AKT3: variants seen among roughly 807,000 people sequenced by gnomAD.
AKT3 encodes AKT serine/threonine kinase 3.
A neutral mutation model predicts 65.3 loss-of-function variants in AKT3; 15 were observed. The observed-to-expected ratio is 0.23, with a 90% CI of 0.15 to 0.35. AKT3 has a LOEUF of 0.35. AKT3 is among the 10% of genes least tolerant of loss of function. The pLI is 1.00. For synonymous variants in AKT3, 206 were observed against 183.8 expected (o/e 1.12, Z -0.98); for missense variants, 243 against 576.5 (o/e 0.42, Z 5.92).
intron 3 of AKT3, among the ~76,000 whole-genome samples, chr1:243,676,274 G>A (rs1475719579): frequency 1.3e-5 from 2 of 152,194 alleles, no homozygotes; most frequent in Admixed American, 6.5e-5. Flanking sequence ...AACATTAAGT[G>A]CAGACTCACA....
chr1:243,728,268 C>T (rs7548254), intron 2 of AKT3, among the ~76,000 whole-genome samples: 76,754 of 152,086 alleles, frequency 0.5, 23,438 homozygotes, highest in Non-Finnish European at 0.68. Flanking sequence ...CACACACACA[C>T]ACCCAGTATT....
chr1:243,744,255 A>C (rs1004371403), intron 2 of AKT3, among the ~76,000 whole-genome samples: 5 of 152,236 alleles, frequency 3.3e-5, no homozygotes, highest in Non-Finnish European at 7.3e-5. Flanking sequence ...ATGCTGTAGA[A>C]GTCATCCTGT....
chr1:243,801,498 T>C (rs1692379962), intron 2 of AKT3, among the ~76,000 whole-genome samples: 1 of 152,230 alleles, frequency 6.6e-6, no homozygotes, highest in Non-Finnish European at 1.5e-5. Flanking sequence ...TTATTTCATT[T>C]AAACACTACT....
intron 5 of AKT3, among the ~76,000 whole-genome samples, chr1:243,642,604 C>T (rs576631999): frequency 1.1e-3 from 164 of 152,286 alleles, no homozygotes; most frequent in African/African-American, 3.8e-3. Flanking sequence ...CCACCACGCC[C>T]AGCCACAGTA....
chr1:243,751,715 TC>T (rs1406831097), intron 2 of AKT3, among the ~76,000 whole-genome samples: 1 of 152,046 alleles, frequency 6.6e-6, no homozygotes, highest in African/African-American at 2.4e-5. Flanking sequence ...CAGGAACAGT[TC>T]CTGAGACATG....
intron 2 of AKT3, among the ~76,000 whole-genome samples, chr1:243,792,246 T>C (rs1691675575): frequency 6.6e-6 from 1 of 152,140 alleles, no homozygotes. Flanking sequence ...AATAAACATT[T>C]TGAGCTTTTA....
At chr1:243,632,894 T>C (rs1039502559) in intron 6 of AKT3, among the ~76,000 whole-genome samples, 2 of 152,164 alleles carry the variant, frequency 1.3e-5, no homozygotes, top group Admixed American at 1.3e-4. Flanking sequence ...CTTCACAGAA[T>C]TGGGAGAATT....
chr1:243,592,314 G>A (rs1056266278), intron 8 of AKT3, among the ~76,000 whole-genome samples: 4 of 150,762 alleles, frequency 2.7e-5, no homozygotes, highest in South Asian at 2.1e-4. Flanking sequence ...CAGCCTGGGC[G>A]ACAGAGCGAG....
At chr1:243,494,005 C>T (rs558538888) in intron 13 of AKT3, among the ~76,000 whole-genome samples, 4 of 152,228 alleles carry the variant, frequency 2.6e-5, no homozygotes, top group East Asian at 3.9e-4. Context: ...GGAGGTGTCA[C>T]CTAATTTACT....
chr1:243,609,787 C>A (rs1232160006), intron 8 of AKT3, among the ~76,000 whole-genome samples: 1 of 152,108 alleles, frequency 6.6e-6, no homozygotes, highest in Non-Finnish European at 1.5e-5. Context: ...TAAAGAAAAT[C>A]ATCTGGCTAA....
At chr1:243,758,177 A>G (rs1689258512) in intron 2 of AKT3, among the ~76,000 whole-genome samples, 1 of 152,230 alleles carries the variant, frequency 6.6e-6, no homozygotes. Context: ...GGAGGATGGT[A>G]GACAAAAATC....
intron 12 of AKT3, among the ~76,000 whole-genome samples, chr1:243,525,482 A>G (rs1356282998): frequency 2.0e-5 from 3 of 151,952 alleles, no homozygotes; most frequent in Non-Finnish European, 4.4e-5. Flanking sequence ...CTTTATAATT[A>G]TCTTCAATGA....
intron 2 of AKT3, among the ~76,000 whole-genome samples, chr1:243,806,437 T>C (rs1339032746): frequency 2.0e-5 from 3 of 152,228 alleles, no homozygotes; most frequent in African/African-American, 7.2e-5. Flanking sequence ...TGCAGTGCTT[T>C]GCAAGCATCA....
At chr1:243,775,086 CT>C (rs1049159026) in intron 2 of AKT3, among the ~76,000 whole-genome samples, 3 of 151,984 alleles carry the variant, frequency 2.0e-5, no homozygotes, top group African/African-American at 7.3e-5. Flanking sequence ...TGGTCTCACA[CT>C]TCTGAACTCA....
intron 1 of AKT3, among the ~76,000 whole-genome samples, chr1:243,846,641 T>C (rs1381488291): frequency 6.6e-6 from 1 of 152,202 alleles, no homozygotes; most frequent in Non-Finnish European, 1.5e-5. Flanking sequence ...ATTTGAGTTA[T>C]TTAATTTGGC....
At chr1:243,715,267 G>T (rs568330679) in intron 2 of AKT3, among the ~76,000 whole-genome samples, 2 of 152,110 alleles carry the variant, frequency 1.3e-5, no homozygotes, top group African/African-American at 4.8e-5. Context: ...CTCCATTTTG[G>T]CTTAACAGAA....
chr1:243,721,729 A>G (rs1420551555), intron 2 of AKT3, among the ~76,000 whole-genome samples: 1 of 152,108 alleles, frequency 6.6e-6, no homozygotes, highest in African/African-American at 2.4e-5. Context: ...TACTATGCCA[A>G]TGTAATCCTA....
intron 8 of AKT3, among the ~76,000 whole-genome samples, chr1:243,611,674 A>AC (rs1447711578): frequency 8.9e-6 from 1 of 112,662 alleles, no homozygotes; most frequent in African/African-American, 2.6e-5. Context: ...ACAGAGCCAG[A>AC]CCCCATCTCA....
At chr1:243,761,490 C>CAATGGATA in intron 2 of AKT3, among the ~76,000 whole-genome samples, 1 of 152,088 alleles carries the variant, frequency 6.6e-6, no homozygotes, top group Admixed American at 6.5e-5. Context: ...AAAAGACCAT[C>CAATGGATA]AATGGATAAA....
Sources: gnomAD v4.1 joint callset for allele counts (sites outside exome capture counted in the v4.1 genomes callset) on GRCh38, gnomAD v4.1.1 for gene constraint, MANE v1.5 for transcripts, NCBI Gene and HGNC (gene_info 2026-07-23, HGNC 2026-07-21) for gene names.